Variants in DYNC2H1 observed in about 807,000 individuals in gnomAD.
DYNC2H1 encodes cytoplasmic dynein 2 heavy chain 1.
DYNC2H1 carries 410 observed loss-of-function variants against 570.0 expected under a neutral mutation model. The observed-to-expected ratio is 0.72, with a 90% CI of 0.66 to 0.78. DYNC2H1 has a LOEUF of 0.78. Among genes scored for constraint, DYNC2H1 ranks in the 30% least tolerant of loss-of-function variants. The pLI, the probability that DYNC2H1 is intolerant of heterozygous loss-of-function variation, is 0.00. For synonymous variants in DYNC2H1, 1,688 were observed against 1,677.6 expected (o/e 1.01, Z -0.15); for missense variants, 4,865 against 5,046.4 (o/e 0.96, Z 1.09).
At chr11:103,348,959 CAT>C (rs1167721161) in intron 82 of DYNC2H1, among the ~76,000 whole-genome samples, 1 of 152,180 alleles carries the variant, frequency 6.6e-6, no homozygotes, top group Non-Finnish European at 1.5e-5. Flanking sequence ...TGAAGAAGGA[CAT>C]GTTTGCTTCC....
At chr11:103,321,518 G>A (rs776630270) in intron 81 of DYNC2H1, among the ~76,000 whole-genome samples, 10 of 152,128 alleles carry the variant, frequency 6.6e-5, no homozygotes, top group Non-Finnish European at 7.4e-5. Context: ...AGGTAGGACT[G>A]CTGTGAAAAG....
At chr11:103,436,301 A>T (rs891868140) in intron 85 of DYNC2H1, among the ~76,000 whole-genome samples, 1 of 151,890 alleles carries the variant, frequency 6.6e-6, no homozygotes, top group Non-Finnish European at 1.5e-5. Flanking sequence ...GTTGGATCAC[A>T]TAGACGGTAA....
chr11:103,178,363 G>A (rs1288310483), intron 38 of DYNC2H1, among the ~76,000 whole-genome samples: 1 of 152,054 alleles, frequency 6.6e-6, no homozygotes, highest in Non-Finnish European at 1.5e-5. Flanking sequence ...TTCTAAGGCA[G>A]TAAGTGAAAG....
chr11:103,359,767 T>C (rs1940546008), intron 83 of DYNC2H1, among the ~76,000 whole-genome samples: 2 of 150,454 alleles, frequency 1.3e-5, no homozygotes, highest in South Asian at 4.2e-4. Flanking sequence ...CGGGTTCAAG[T>C]GATTCTCCTG....
intron 79 of DYNC2H1, among the ~76,000 whole-genome samples, chr11:103,312,295 G>A (rs999538680): frequency 6.8e-6 from 1 of 146,696 alleles, no homozygotes; most frequent in Admixed American, 6.9e-5. Context: ...CAGGAGAATC[G>A]CTTGAACCCG....
intron 88 of DYNC2H1, 61 bp from the exon 89 acceptor site, chr11:103,479,034 C>G (rs1470204778): frequency 6.4e-7 from 1 of 1,558,712 alleles, no homozygotes; most frequent in African/African-American, 1.4e-5. Context: ...CCTTGGTTAT[C>G]TAATAATCTG....
intron 83 of DYNC2H1, among the ~76,000 whole-genome samples, chr11:103,364,611 TTTTA>T (rs1940811703): frequency 1.3e-5 from 2 of 151,358 alleles, no homozygotes; most frequent in African/African-American, 4.9e-5. Flanking sequence ...TTTTTTTTTT[TTTTA>T]AGCAGGTAGT....
At chr11:103,410,467 A>T (rs1466413982) in intron 84 of DYNC2H1, among the ~76,000 whole-genome samples, 1 of 152,060 alleles carries the variant, frequency 6.6e-6, no homozygotes, top group Non-Finnish European at 1.5e-5. Context: ...TGGGGGCAAG[A>T]GGTGGTGAGG....
rs1946019 is a variant in DYNC2H1, at chr11:103,472,526, A to G, written c.12765+3821A>G. ...ACTGGCGTCTCATAACAATCCTATG[A>G]GTTTGGTACAGCAAATTTTCTATTT... On this transcript the variant is annotated intron_variant, in intron 88 of 88. Coordinates refer to ENST00000375735, the MANE Select transcript of DYNC2H1 (RefSeq NM_001377.3). The surrounding 1 kb of genome is among the most constrained non-coding windows in gnomAD (Gnocchi z 4.1). 0.67 allele frequency among the ~76,000 whole-genome samples: 101,825 copies of G among 151,830 alleles called. 35,148 individuals are homozygous for G. The highest frequency in any genetic ancestry group is 0.81 in the Middle Eastern group (237 of 294).
At chr11:103,136,331 C>T (rs1256000099) in intron 17 of DYNC2H1, among the ~76,000 whole-genome samples, 1 of 151,478 alleles carries the variant, frequency 6.6e-6, no homozygotes, top group Admixed American at 6.6e-5. Context: ...CCCATTAACT[C>T]GTCATTTACC....
rs777460218 is a variant in DYNC2H1, at chr11:103,323,903, T to C, written c.11952T>C (p.Ile3984=). The C allele has an allele frequency of 9.3e-6, 15 of 1,612,428 alleles. No individual in the cohort carries two copies. In the African/African-American group the frequency reaches 1.9e-4, roughly 20 times the overall value. ...ATATTTAGGACTATCGTGCTGTCAT[T>C]GAGAAAATTCCAGAGGACGACAAAC... ...SCSILDYRAV[I]EKIPEDDKPS... Residue 3984 remains isoleucine (I), a synonymous_variant, in exon 82 of 89, where the codon ATT becomes ATC. Coordinates refer to ENST00000375735, the MANE Select transcript of DYNC2H1 (RefSeq NM_001377.3).
chr11:103,419,871 A>G (rs1302593525), intron 84 of DYNC2H1, among the ~76,000 whole-genome samples: 1 of 152,184 alleles, frequency 6.6e-6, no homozygotes, highest in Admixed American at 6.5e-5. Flanking sequence ...TCCAATGCAA[A>G]GAAGCTAAGA....
At position 103,221,969 on chromosome 11, in the gene DYNC2H1, T is replaced by A. The variant is rs554710978; in HGVS notation, c.9108-61T>A. The stretch of plus-strand genomic sequence containing the variant: ...GCATACACCATTTTGTTAAACTGAT[T>A]TTTTTTCAGAAACAGCAAATTTTAT... On this transcript the variant is annotated intron_variant, in intron 57 of 88. Coordinates refer to ENST00000375735, the MANE Select transcript of DYNC2H1 (RefSeq NM_001377.3). 58 of 1,575,176 alleles carry A rather than the reference T, an allele frequency of 3.7e-5. No individual in the cohort carries two copies. In the African/African-American group the frequency reaches 7.2e-4, roughly 20 times the overall value.
rs1338232846 is a variant in DYNC2H1 at position 103,186,312 on chromosome 11, G to A, written c.6704G>A (p.Arg2235Lys). Residue 2235 changes from arginine to lysine, a missense_variant, in exon 42 of 89, where the codon AGG becomes AAG. Arg to Lys is a conservative substitution (Grantham distance 26). Coordinates refer to ENST00000375735, the MANE Select transcript of DYNC2H1 (RefSeq NM_001377.3). The surrounding 1 kb of genome is among the most constrained non-coding windows in gnomAD (Gnocchi z 4.5). Reference protein sequence around the residue: ...KPMDTYYDSTRGRLATYVLKK... With the variant: ...KPMDTYYDSTKGRLATYVLKK... Reference sequence around the variant, plus strand: ...ATGGATACCTACTATGACTCTACTAGGGGTCGATTAGCAACATATGTGCTT... The same window carrying A: ...ATGGATACCTACTATGACTCTACTAAGGGTCGATTAGCAACATATGTGCTT... The A allele has an allele frequency of 1.2e-6, 2 of 1,612,600 alleles. No individual in the cohort carries two copies. Among genetic ancestry groups the A allele is most frequent in the Non-Finnish European group, 1.7e-6 (2 of 1,179,146 alleles).
At chr11:103,260,050 G>C in intron 70 of DYNC2H1, 73 bp downstream of exon 70, 7 of 779,568 alleles carry the variant, frequency 9.0e-6, no homozygotes, top group Non-Finnish European at 1.3e-5. Context: ...TATAGTTATA[G>C]TATAACTCTT....
chr11:103,186,153 T>C lies in DYNC2H1; in HGVS notation c.6634-89T>C. 1 of 1,292,462 alleles carries C rather than the reference T, an allele frequency of 7.7e-7. No individual in the cohort carries two copies. Among genetic ancestry groups the C allele is most frequent in the Non-Finnish European group, 1.0e-6 (1 of 955,164 alleles). 80.1% of individuals were successfully genotyped at this position (1,292,462 alleles called of 1,614,324 possible). Reference sequence around the variant, plus strand: ...TAAAGTTTTCTTGGAACTAAGATGATTTACTTTTGGGATATTTACTTGGAA... The same window carrying C: ...TAAAGTTTTCTTGGAACTAAGATGACTTACTTTTGGGATATTTACTTGGAA... On this transcript the variant is annotated intron_variant, in intron 41 of 88. Transcript: ENST00000375735. The surrounding 1 kb of genome is among the most constrained non-coding windows in gnomAD (Gnocchi z 4.5).
intron 48 of DYNC2H1, 47 bp downstream of exon 48, chr11:103,198,110 C>A: frequency 5.9e-6 from 9 of 1,515,332 alleles, no homozygotes; most frequent in Non-Finnish European, 8.0e-6. Context: ...TCATTATAGT[C>A]TTTTAAAAAT....
intron 61 of DYNC2H1, among the ~76,000 whole-genome samples, chr11:103,234,876 G>A (rs1864163109): frequency 6.6e-6 from 1 of 151,752 alleles, no homozygotes; most frequent in South Asian, 2.1e-4. Context: ...TTTATTTTCT[G>A]TTTCACTGGA....
At chr11:103,296,821 A>G (rs1194455153) in intron 75 of DYNC2H1, among the ~76,000 whole-genome samples, 3 of 151,472 alleles carry the variant, frequency 2.0e-5, no homozygotes, top group African/African-American at 4.9e-5. Context: ...TTTTCTAGCC[A>G]CTATCCTATT....
Sources: allele counts gnomAD v4.1 joint callset (sites outside exome capture counted in the v4.1 genomes callset), GRCh38; gene constraint gnomAD v4.1.1; non-coding constraint Gnocchi (gnomAD v3.1); transcripts MANE v1.5; gene names NCBI Gene and HGNC (gene_info 2026-07-23, HGNC 2026-07-21).